Variants in OR9Q1 observed in about 807,000 individuals in gnomAD.
OR9Q1 encodes the protein olfactory receptor family 9 subfamily Q member 1.
For missense variants in OR9Q1, 374 were observed against 378.8 expected (o/e 0.99, Z 0.11); for synonymous variants, 153 against 148.6 (o/e 1.03, Z -0.22).
chr11:58,147,879 T>C (rs182304588), intron 2 of OR9Q1, among the ~76,000 whole-genome samples: 9 of 152,332 alleles, frequency 5.9e-5, no homozygotes, highest in African/African-American at 1.7e-4. Context: ...ATTCTTAAAA[T>C]AGATTCTACA....
chr11:58,042,880 TC>T (rs1390867764), intron 1 of OR9Q1, among the ~76,000 whole-genome samples: 4 of 152,178 alleles, frequency 2.6e-5, no homozygotes, highest in African/African-American at 9.7e-5. Flanking sequence ...TAAGTTGGAT[TC>T]CTAGGTATTT....
intron 2 of OR9Q1, among the ~76,000 whole-genome samples, chr11:58,159,461 A>G (rs1172936187): frequency 1.3e-5 from 2 of 152,132 alleles, no homozygotes; most frequent in African/African-American, 4.8e-5. Flanking sequence ...AGTTAAAAAA[A>G]AAAACAGTCA....
intron 2 of OR9Q1, among the ~76,000 whole-genome samples, chr11:58,119,910 C>G (rs924007884): frequency 2.0e-5 from 3 of 152,110 alleles, no homozygotes; most frequent in South Asian, 4.1e-4. Flanking sequence ...TAGTTTTACC[C>G]CTTCTAGATA....
intron 1 of OR9Q1, among the ~76,000 whole-genome samples, chr11:58,043,115 C>G (rs2119945013): frequency 6.6e-6 from 1 of 152,172 alleles, no homozygotes; most frequent in East Asian, 1.9e-4. Context: ...GATCTCTTTC[C>G]TTGATTTGGA....
intron 2 of OR9Q1, among the ~76,000 whole-genome samples, chr11:58,150,225 T>C (rs138930550): frequency 6.6e-6 from 1 of 152,198 alleles, no homozygotes; most frequent in African/African-American, 2.4e-5. Flanking sequence ...ATGTTGAACA[T>C]CTTTCCATGT....
At chr11:58,132,278 A>G (rs1005246323) in intron 2 of OR9Q1, among the ~76,000 whole-genome samples, 6 of 152,182 alleles carry the variant, frequency 3.9e-5, no homozygotes, top group African/African-American at 1.4e-4. Context: ...TGTATTTACA[A>G]TCAGCTAAAT....
At chr11:58,069,990 T>C (rs953152075) in intron 2 of OR9Q1, among the ~76,000 whole-genome samples, 5 of 151,988 alleles carry the variant, frequency 3.3e-5, no homozygotes, top group African/African-American at 1.2e-4. Context: ...AGCATCACTC[T>C]TTTTTTAATT....
chr11:58,123,758 G>A (rs987460731), intron 2 of OR9Q1, among the ~76,000 whole-genome samples: 1 of 152,090 alleles, frequency 6.6e-6, no homozygotes, highest in African/African-American at 2.4e-5. Context: ...GACCCTTTAT[G>A]CAGATCCAAG....
intron 2 of OR9Q1, among the ~76,000 whole-genome samples, chr11:58,091,798 A>G (rs1489761589): frequency 6.6e-6 from 1 of 152,036 alleles, no homozygotes; most frequent in Non-Finnish European, 1.5e-5. Flanking sequence ...TGTCTCTAAG[A>G]CTTGTTTTAT....
chr11:58,097,510 C>G (rs1354779647), intron 2 of OR9Q1, among the ~76,000 whole-genome samples: 1 of 152,160 alleles, frequency 6.6e-6, no homozygotes, highest in African/African-American at 2.4e-5. Flanking sequence ...GTTGTAATGT[C>G]AAATGTAAAA....
chr11:58,092,883 G>A (rs1265279700), intron 2 of OR9Q1, among the ~76,000 whole-genome samples: 53 of 152,136 alleles, frequency 3.5e-4, no homozygotes, highest in Non-Finnish European at 4.4e-5. Context: ...TAGTTACAGA[G>A]TCATATTTTA....
intron 2 of OR9Q1, among the ~76,000 whole-genome samples, chr11:58,104,118 G>A (rs1310621275): frequency 1.3e-5 from 2 of 152,064 alleles, no homozygotes; most frequent in African/African-American, 2.4e-5. Context: ...CCTTCTCTGG[G>A]AATATTATTA....
intron 2 of OR9Q1, among the ~76,000 whole-genome samples, chr11:58,173,420 A>T (rs1854573834): frequency 6.6e-6 from 1 of 151,460 alleles, no homozygotes; most frequent in Admixed American, 6.6e-5. Flanking sequence ...GTTTGCTGAG[A>T]ATGATGATTT....
chr11:58,031,418 G>A (rs367548255), intron 1 of OR9Q1: 5 of 1,614,030 alleles, frequency 3.1e-6, no homozygotes, highest in Non-Finnish European at 4.2e-6. Context: ...TTGGCTGGTA[G>A]GTTTCCTCAC....
intron 2 of OR9Q1, among the ~76,000 whole-genome samples, chr11:58,167,952 G>A (rs1854520412): frequency 6.6e-6 from 1 of 152,196 alleles, no homozygotes; most frequent in South Asian, 2.1e-4. Flanking sequence ...ATCTCTTGAA[G>A]GGTGGAGCTG....
At chr11:58,142,766 C>G (rs1565088630) in intron 2 of OR9Q1, among the ~76,000 whole-genome samples, 1 of 152,142 alleles carries the variant, frequency 6.6e-6, no homozygotes, top group Non-Finnish European at 1.5e-5. Flanking sequence ...GCGAGAACCC[C>G]ATCTGTATTA....
rs750790733 is a variant in OR9Q1, at chr11:58,031,059, T to C, written c.-93+6955T>C. ...CTCTTCTTCATACTCTTCCTCACCA[T>C]GTACCTGTTCACCTTGGTGGAGAAT... On this transcript the variant is annotated intron_variant, in intron 1 of 2. Coordinates refer to ENST00000335397, the MANE Select transcript of OR9Q1 (RefSeq NM_001005212.4). 6.8e-6 allele frequency: 11 copies of C among 1,613,986 alleles called. No individual in the cohort carries two copies. The Admixed American group carries it at 1.2e-4, about 17-fold the overall frequency.
At chr11:58,093,642 C>T (rs1036052596) in intron 2 of OR9Q1, among the ~76,000 whole-genome samples, 2 of 151,580 alleles carry the variant, frequency 1.3e-5, no homozygotes, top group East Asian at 1.9e-4. Context: ...TGCCTGTAGT[C>T]CCAGCTACTC....
chr11:58,144,155 T>C (rs1273856347), intron 2 of OR9Q1, among the ~76,000 whole-genome samples: 2 of 151,072 alleles, frequency 1.3e-5, no homozygotes, highest in East Asian at 2.0e-4. Context: ...ATTAGGTATA[T>C]CTCCTAATGC....
Sources: allele counts gnomAD v4.1 joint callset (sites outside exome capture counted in the v4.1 genomes callset), GRCh38; gene constraint gnomAD v4.1.1; transcripts MANE v1.5; gene names NCBI Gene and HGNC (gene_info 2026-07-23, HGNC 2026-07-21).